Variants in PLPPR5 observed in about 807,000 individuals in gnomAD.
PLPPR5 encodes phospholipid phosphatase-related protein type 5.
A neutral mutation model predicts 33.9 loss-of-function variants in PLPPR5; 16 were observed. The observed-to-expected ratio is 0.47, with a 90% confidence interval of 0.32 to 0.72. The LOEUF (loss-of-function observed/expected upper bound fraction) is 0.72, where lower values mean the gene tolerates loss of function less well. Among genes scored for constraint, PLPPR5 ranks in the 30% least tolerant of loss-of-function variants. PLPPR5 has a pLI of 0.03. For synonymous variants in PLPPR5, 163 were observed against 150.3 expected, an observed-to-expected ratio of 1.08 and a Z score of -0.62; for missense variants, 301 against 406.7, an observed-to-expected ratio of 0.74 and a Z score of 2.23.
intron 3 of PLPPR5, among the ~76,000 whole-genome samples, chr1:98,935,807 G>C (rs1289654269): frequency 6.6e-6 from 1 of 152,182 alleles, no homozygotes; most frequent in Non-Finnish European, 1.5e-5. Flanking sequence ...AGCAGTGCCA[G>C]AACACTGCTT....
intron 3 of PLPPR5, among the ~76,000 whole-genome samples, chr1:98,933,971 G>A (rs1008755281): frequency 3.9e-5 from 6 of 152,186 alleles, no homozygotes; most frequent in African/African-American, 1.4e-4. Context: ...TAGTGTCCTA[G>A]GTGCTTGAGG....
At chr1:98,973,321 CAGTAGGAAGAGAATACCGTAAAT>C (rs1651724257) in intron 1 of PLPPR5, among the ~76,000 whole-genome samples, 1 of 125,640 alleles carries the variant, frequency 8.0e-6, no homozygotes, top group Non-Finnish European at 1.9e-5. Flanking sequence ...TAGGGATTGA[CAGTAGGAAGAGAATACCGTAAAT>C]GTAGGGATTG....
chr1:98,992,007 G>C (rs1055404656), intron 1 of PLPPR5, among the ~76,000 whole-genome samples: 1 of 152,062 alleles, frequency 6.6e-6, no homozygotes, highest in African/African-American at 2.4e-5. Flanking sequence ...CATACCCACA[G>C]GTACCCTTTT....
At chr1:98,939,259 A>G (rs548671965) in intron 3 of PLPPR5, among the ~76,000 whole-genome samples, 2 of 152,142 alleles carry the variant, frequency 1.3e-5, no homozygotes, top group East Asian at 3.9e-4. Flanking sequence ...TTATTATCAC[A>G]TAGTTATTAC....
At chr1:98,949,460 C>T (rs1254885112) in intron 3 of PLPPR5, among the ~76,000 whole-genome samples, 1 of 152,122 alleles carries the variant, frequency 6.6e-6, no homozygotes, top group Non-Finnish European at 1.5e-5. Flanking sequence ...CATAACAGGG[C>T]TCATTGATTT....
At chr1:98,998,340 G>T (rs72732435) in intron 1 of PLPPR5, among the ~76,000 whole-genome samples, 13,925 of 152,152 alleles carry the variant, frequency 0.092, 715 homozygotes, top group Middle Eastern at 0.1. Flanking sequence ...TCCACATAAA[G>T]GTGGTGCTTA....
chr1:99,000,310 T>C (rs1393353421), intron 1 of PLPPR5, among the ~76,000 whole-genome samples: 2 of 152,236 alleles, frequency 1.3e-5, no homozygotes, highest in African/African-American at 2.4e-5. Flanking sequence ...TTTGAAATTA[T>C]GTACTTTGAT....
intron 5 of PLPPR5, among the ~76,000 whole-genome samples, chr1:98,912,130 C>A (rs1454398230): frequency 6.6e-6 from 1 of 152,124 alleles, no homozygotes; most frequent in African/African-American, 2.4e-5. Flanking sequence ...TTGTACAGAT[C>A]ATTCAGCTTT....
At chr1:98,931,232 C>A (rs934806565) in intron 3 of PLPPR5, among the ~76,000 whole-genome samples, 1 of 151,926 alleles carries the variant, frequency 6.6e-6, no homozygotes, top group African/African-American at 2.4e-5. Flanking sequence ...ATAGGAATAT[C>A]CTTTTCTCTT....
chr1:98,942,797 G>A (rs936696663), intron 3 of PLPPR5, among the ~76,000 whole-genome samples: 1 of 152,192 alleles, frequency 6.6e-6, no homozygotes, highest in African/African-American at 2.4e-5. Context: ...TTAGCCTTGA[G>A]GGGTGGACAC....
At chr1:98,950,652 C>T (rs1466983824) in intron 3 of PLPPR5, among the ~76,000 whole-genome samples, 1 of 152,146 alleles carries the variant, frequency 6.6e-6, no homozygotes, top group Non-Finnish European at 1.5e-5. Flanking sequence ...GGTTACACAG[C>T]AAAATCTAAC....
At chr1:98,954,406 G>A (rs12760602) in intron 2 of PLPPR5, among the ~76,000 whole-genome samples, 1 of 151,946 alleles carries the variant, frequency 6.6e-6, no homozygotes, top group South Asian at 2.1e-4. Flanking sequence ...ACAATAGTTA[G>A]ATGTTTTTCT....
rs773617470 is a variant in PLPPR5 at position 98,956,636 on chromosome 1, G to A, written c.343C>T (p.Leu115=). The A allele has an allele frequency of 7.5e-6, 12 of 1,592,048 alleles. No individual in the cohort carries two copies. The highest frequency in any genetic ancestry group is 1.7e-4 in the Middle Eastern group (1 of 6,018). ...LTGDCCYINP[L]VRRTVRFLGI... is the part of the protein sequence containing the mutation. ...AGAAATCGGACAGTTCGGCGCACCAGCGGGTTTATATAGCAACAGTCTCCA... is the reference window on the plus strand; with the variant it reads ...AGAAATCGGACAGTTCGGCGCACCAACGGGTTTATATAGCAACAGTCTCCA... The change falls in exon 2 of 6, where the codon CTG becomes TTG. Residue 115 remains leucine (L), a synonymous_variant. Coordinates refer to ENST00000263177, the MANE Select transcript of PLPPR5 (RefSeq NM_001037317.2).
intron 5 of PLPPR5, among the ~76,000 whole-genome samples, chr1:98,908,733 T>C (rs1476489289): frequency 6.6e-6 from 1 of 152,140 alleles, no homozygotes; most frequent in Non-Finnish European, 1.5e-5. Context: ...AAAATGGGGA[T>C]GGCTGCAGGT....
intron 3 of PLPPR5, among the ~76,000 whole-genome samples, chr1:98,928,793 A>G (rs1172068968): frequency 6.6e-6 from 1 of 151,726 alleles, no homozygotes; most frequent in Non-Finnish European, 1.5e-5. Flanking sequence ...ATTTACCTGC[A>G]TATTTTTATC....
intron 1 of PLPPR5, among the ~76,000 whole-genome samples, chr1:98,998,882 A>T (rs1051953909): frequency 2.8e-4 from 42 of 152,344 alleles, no homozygotes; most frequent in African/African-American, 8.9e-4. Flanking sequence ...GATTAAGGAA[A>T]GTACTATCCT....
intron 3 of PLPPR5, among the ~76,000 whole-genome samples, chr1:98,935,267 T>C (rs569694366): frequency 2.6e-5 from 4 of 152,266 alleles, no homozygotes; most frequent in Admixed American, 6.5e-5. Context: ...TAATCTCCAT[T>C]TTAGAAAGTT....
intron 3 of PLPPR5, among the ~76,000 whole-genome samples, chr1:98,924,945 C>T (rs1038089400): frequency 6.6e-6 from 1 of 152,172 alleles, no homozygotes; most frequent in Non-Finnish European, 1.5e-5. Context: ...TAGATCATAG[C>T]AGTGCTTTAT....
intron 2 of PLPPR5, among the ~76,000 whole-genome samples, chr1:98,956,120 C>T (rs538488766): frequency 2.5e-4 from 38 of 152,076 alleles, no homozygotes; most frequent in African/African-American, 8.7e-4. Flanking sequence ...TTTTCTTATC[C>T]TTCGTGATGT....
Sources: allele counts gnomAD v4.1 joint callset (sites outside exome capture counted in the v4.1 genomes callset), GRCh38; gene constraint gnomAD v4.1.1; transcripts MANE v1.5; gene names NCBI Gene and HGNC (gene_info 2026-07-23, HGNC 2026-07-21).